CEP20: variants seen among roughly 807,000 people sequenced by gnomAD.
CEP20 encodes the protein centrosomal protein 20.
CEP20 carries 18 observed loss-of-function variants against 20.0 expected under a neutral mutation model. The ratio of observed to expected loss-of-function variants is 0.90; its 90% CI spans 0.62 to 1.34. The LOEUF (loss-of-function observed/expected upper bound fraction) is 1.34, where lower values mean the gene tolerates loss of function less well. Ranked by LOEUF, CEP20 falls within the 40% of genes most tolerant of loss-of-function variation. The probability of loss-of-function intolerance (pLI) is 0.00; values close to 1 mark genes in which losing one functional copy is unlikely to be tolerated. For synonymous variants in CEP20, 77 were observed against 73.7 expected (o/e 1.04, Z -0.23); for missense variants, 215 against 201.6 (o/e 1.07, Z -0.40).
At chr16:15,885,559 A>T (rs2045222286) in intron 1 of CEP20, 1 of 151,832 alleles carries the variant, frequency 6.6e-6, no homozygotes, top group East Asian at 2.0e-4. Context: ...CGACTGGCTA[A>T]TTTTTGTATT....
rs745904432 is a variant in CEP20, at chr16:15,873,557, T to G, written c.382A>C (p.Lys128Gln). The G allele has an allele frequency of 1.2e-6, 2 of 1,614,116 alleles. No homozygotes were observed. Among genetic ancestry groups the G allele is most frequent in the Admixed American group, 3.3e-5 (2 of 60,022 alleles). Residue 128 changes from lysine to glutamine, a missense_variant, in exon 4 of 5, where the codon AAA (lysine) becomes CAA (glutamine). Coordinates refer to ENST00000255759, the MANE Select transcript of CEP20 (RefSeq NM_144600.4). Reference sequence around the variant, plus strand: ...TCTGAAGGCTGAAGTGAAGGCCCTTTCAGAAATGCATTCTGGATGCCATCC... The same window carrying G: ...TCTGAAGGCTGAAGTGAAGGCCCTTGCAGAAATGCATTCTGGATGCCATCC... ...TKDGIQNAFLKGPSLQPSDPS... is the reference protein window; with the variant it reads ...TKDGIQNAFLQGPSLQPSDPS...
chr16:15,872,761 ATTTTTATGT>A (rs2044852113), intron 4 of CEP20, among the ~76,000 whole-genome samples: 1 of 122,874 alleles, frequency 8.1e-6, no homozygotes, highest in Non-Finnish European at 1.6e-5. Context: ...AAATTTATGT[ATTTTTATGT>A]CTCAAAAAAA....
At chr16:15,874,742 T>G (rs974219874) in intron 3 of CEP20, among the ~76,000 whole-genome samples, 1 of 152,168 alleles carries the variant, frequency 6.6e-6, no homozygotes, top group Non-Finnish European at 1.5e-5. Context: ...AGTACGACGC[T>G]CCCTTCCAAA....
rs1338631826 is a variant in CEP20, at chr16:15,873,513, T to C, written c.426A>G (p.Gln142=). Residue 142 remains glutamine, a synonymous_variant, in exon 4 of 5, where the codon CAA becomes CAG. Coordinates refer to ENST00000255759, the MANE Select transcript of CEP20 (RefSeq NM_144600.4). ...LQPSDPSLGR[Q]PSRRKPMDDH... ...TACCCATTGGCTTTCTTCTACTAGG[T>C]TGTCTGCCAAGACTTGGGTCTGAAG... The C allele has an allele frequency of 4.3e-6, 7 of 1,610,762 alleles. No homozygotes were observed. The highest frequency in any genetic ancestry group is 4.0e-5 in the African/African-American group (3 of 74,566).
rs922017964 is a variant in CEP20 at position 15,875,876 on chromosome 16, A to T, written c.312-2249T>A. 7.2e-5 allele frequency among the ~76,000 whole-genome samples: 11 copies of T among 152,002 alleles called. No homozygotes were observed. In the East Asian group the frequency reaches 2.1e-3, roughly 29 times the overall value. Reference sequence around the variant, plus strand: ...CACTTTGGGAGGCCAAGGCAGGAGGATCACCTGAGGTCGGGAGTTCAAGAC... The same window carrying T: ...CACTTTGGGAGGCCAAGGCAGGAGGTTCACCTGAGGTCGGGAGTTCAAGAC... On this transcript the variant is annotated intron_variant, in intron 3 of 4. Transcript: ENST00000255759.
chr16:15,876,066 C>CAA (rs199971058), intron 3 of CEP20, among the ~76,000 whole-genome samples: 18 of 96,798 alleles, frequency 1.9e-4, no homozygotes, highest in Non-Finnish European at 2.8e-4. Flanking sequence ...TCATTGCACT[C>CAA]AAAAAAAAAA....
chr16:15,869,980 C>T (rs996301109), intron 4 of CEP20, among the ~76,000 whole-genome samples: 3 of 152,228 alleles, frequency 2.0e-5, no homozygotes, highest in African/African-American at 7.2e-5. Flanking sequence ...ACAGAACAGG[C>T]ACCCAAGGTG....
At chr16:15,881,510 A>C in intron 2 of CEP20, among the ~76,000 whole-genome samples, 1 of 152,174 alleles carries the variant, frequency 6.6e-6, no homozygotes, top group East Asian at 1.9e-4. Flanking sequence ...CTAACTTCAC[A>C]AAGAATTCAT....
intron 2 of CEP20, among the ~76,000 whole-genome samples, chr16:15,882,147 C>T (rs911877507): frequency 1.1e-4 from 17 of 152,182 alleles, no homozygotes; most frequent in Non-Finnish European, 1.9e-4. Flanking sequence ...CACCATGTAA[C>T]GTGCTTGCTG....
Position 15,873,091 on chromosome 16 carries a change from A to T in CEP20, c.448+400T>A, listed in dbSNP as rs540477436. On this transcript the variant is annotated intron_variant, in intron 4 of 4. Coordinates refer to ENST00000255759, the MANE Select transcript of CEP20 (RefSeq NM_144600.4). Reference sequence around the variant, plus strand: ...TTTCAGTATTTTTTTGTTTTTTTTTAAATTTAATTAATATAATTTTTTAAT... The same window carrying T: ...TTTCAGTATTTTTTTGTTTTTTTTTTAATTTAATTAATATAATTTTTTAAT... Among the ~76,000 whole-genome samples the T allele has an allele frequency of 6.2e-4, 92 of 147,476 alleles. 1 individual carries two copies. Among genetic ancestry groups the T allele is most frequent in the Middle Eastern group, 3.5e-3 (1 of 288 alleles).
At chr16:15,882,999 A>G (rs12598998) in intron 2 of CEP20, 10,431 of 152,034 alleles carry the variant, frequency 0.069, 472 homozygotes, top group East Asian at 0.22. Flanking sequence ...GCTTGAACCC[A>G]GGAGGCGGAG....
intron 1 of CEP20, among the ~76,000 whole-genome samples, chr16:15,887,742 G>A (rs1283670436): frequency 6.6e-6 from 1 of 152,028 alleles, no homozygotes; most frequent in Non-Finnish European, 1.5e-5. Context: ...CTAGCTTAGA[G>A]TATCTTTTCC....
intron 1 of CEP20, 48 bp from the exon 2 acceptor site, chr16:15,884,253 A>T (rs764293129): frequency 3.3e-6 from 5 of 1,518,340 alleles, no homozygotes; most frequent in Non-Finnish European, 4.5e-6. Flanking sequence ...TAAATTTGTC[A>T]TTCTTAGGCA....
chr16:15,873,857 A>G, intron 3 of CEP20, among the ~76,000 whole-genome samples: 1 of 151,998 alleles, frequency 6.6e-6, no homozygotes, highest in East Asian at 1.9e-4. Context: ...AAAACATGTT[A>G]ACAACTTAAA....
intron 2 of CEP20, among the ~76,000 whole-genome samples, chr16:15,881,295 A>G (rs2045091463): frequency 6.6e-6 from 1 of 152,186 alleles, no homozygotes; most frequent in Admixed American, 6.5e-5. Flanking sequence ...TACTGTCACT[A>G]TATTTCATTC....
intron 4 of CEP20, among the ~76,000 whole-genome samples, chr16:15,872,096 T>G (rs1031756684): frequency 6.6e-6 from 1 of 152,032 alleles, no homozygotes; most frequent in Non-Finnish European, 1.5e-5. Flanking sequence ...GGGCGGATCA[T>G]GAGGTCAGGA....
intron 3 of CEP20, among the ~76,000 whole-genome samples, chr16:15,877,891 C>CA (rs2044994908): frequency 6.6e-6 from 1 of 151,472 alleles, no homozygotes; most frequent in Non-Finnish European, 1.5e-5. Context: ...CCCATCTCTA[C>CA]AAAAAAATAT....
intron 3 of CEP20, among the ~76,000 whole-genome samples, chr16:15,874,385 T>C (rs7205254): frequency 0.069 from 10,518 of 152,200 alleles, 481 homozygotes; most frequent in East Asian, 0.22. Flanking sequence ...GATCATCAAC[T>C]GCAATTTATA....
chr16:15,871,814 C>A (rs2044826340), intron 4 of CEP20, among the ~76,000 whole-genome samples: 2 of 152,152 alleles, frequency 1.3e-5, no homozygotes, highest in South Asian at 4.1e-4. Context: ...AATAGGTTAT[C>A]CTGATTCACT....
Sources: gnomAD v4.1 joint callset for allele counts (sites outside exome capture counted in the v4.1 genomes callset) on GRCh38, gnomAD v4.1.1 for gene constraint, MANE v1.5 for transcripts, NCBI Gene and HGNC (gene_info 2026-07-23, HGNC 2026-07-21) for gene names.